The following MACROD2 variants were observed in gnomAD, a reference collection of about 807,000 sequenced individuals.
The protein encoded by MACROD2 is mono-ADP ribosylhydrolase 2.
A neutral mutation model predicts 70.4 loss-of-function variants in MACROD2; 36 were observed. The observed-to-expected ratio is 0.51, with a 90% confidence interval of 0.39 to 0.68. MACROD2 has a LOEUF of 0.68. MACROD2 is among the 30% of genes least tolerant of loss of function. The pLI, the probability that MACROD2 is intolerant of heterozygous loss-of-function variation, is 0.00. For synonymous variants in MACROD2, 172 were observed against 178.8 expected, an observed-to-expected ratio of 0.96 and a Z score of 0.30; for missense variants, 496 against 538.4, an observed-to-expected ratio of 0.92 and a Z score of 0.78.
At chr20:14,622,390 A>G (rs1358300610) in intron 4 of MACROD2, among the ~76,000 whole-genome samples, 4 of 152,158 alleles carry the variant, frequency 2.6e-5, no homozygotes, top group African/African-American at 7.2e-5. Flanking sequence ...GCAGTCATAT[A>G]TGTGTACAGC....
At chr20:14,832,186 G>A (rs1165006351) in intron 5 of MACROD2, among the ~76,000 whole-genome samples, 1 of 151,440 alleles carries the variant, frequency 6.6e-6, no homozygotes, top group Non-Finnish European at 1.5e-5. Flanking sequence ...GGGACTGCAG[G>A]TGCCCGCCAC....
chr20:15,757,770 G>A (rs1453306114), intron 8 of MACROD2, among the ~76,000 whole-genome samples: 1 of 152,108 alleles, frequency 6.6e-6, no homozygotes, highest in Non-Finnish European at 1.5e-5. Flanking sequence ...GAGAGAGAAA[G>A]AACTCTTACC....
intron 5 of MACROD2, among the ~76,000 whole-genome samples, chr20:14,876,134 T>A (rs1430048712): frequency 6.6e-6 from 1 of 152,198 alleles, no homozygotes; most frequent in Non-Finnish European, 1.5e-5. Flanking sequence ...CACCAACTTC[T>A]GTTCTGTTTT....
At chr20:15,802,997 TA>T in intron 8 of MACROD2, among the ~76,000 whole-genome samples, 1 of 151,970 alleles carries the variant, frequency 6.6e-6, no homozygotes, top group South Asian at 2.1e-4. Flanking sequence ...CAATAATGAG[TA>T]ATGAGATTAA....
chr20:14,608,494 C>T (rs1703762129), intron 4 of MACROD2, among the ~76,000 whole-genome samples: 1 of 152,142 alleles, frequency 6.6e-6, no homozygotes, highest in African/African-American at 2.4e-5. Flanking sequence ...AGTTTGAGGT[C>T]AGGATAAGCC....
chr20:15,872,958 T>C (rs2064607272), intron 9 of MACROD2, among the ~76,000 whole-genome samples: 2 of 152,160 alleles, frequency 1.3e-5, no homozygotes, highest in Non-Finnish European at 2.9e-5. Flanking sequence ...CATAACTTAA[T>C]TTTAATAGAC....
At chr20:14,249,704 C>T (rs1254883132) in intron 3 of MACROD2, among the ~76,000 whole-genome samples, 1 of 152,008 alleles carries the variant, frequency 6.6e-6, no homozygotes, top group Non-Finnish European at 1.5e-5. Context: ...CAAGTTCTAT[C>T]GTACCTTGTA....
chr20:14,058,436 AAATAC>A (rs1180041367), intron 2 of MACROD2, among the ~76,000 whole-genome samples: 3 of 64,824 alleles, frequency 4.6e-5, no homozygotes, highest in Non-Finnish European at 9.3e-5. Flanking sequence ...ACATTTAGAA[AAATAC>A]AAAAAAAAAA....
At chr20:14,663,132 C>T (rs921475260) in intron 4 of MACROD2, among the ~76,000 whole-genome samples, 3 of 152,144 alleles carry the variant, frequency 2.0e-5, no homozygotes, top group Admixed American at 6.6e-5. Context: ...TATATATATA[C>T]CATGGAATAC....
chr20:15,607,651 G>A (rs973526058), intron 8 of MACROD2, among the ~76,000 whole-genome samples: 2 of 151,972 alleles, frequency 1.3e-5, no homozygotes, highest in East Asian at 1.9e-4. Flanking sequence ...CTCCCACCTC[G>A]GCCTCCTGAA....
chr20:14,953,297 T>C (rs1407602059), intron 5 of MACROD2, among the ~76,000 whole-genome samples: 1 of 152,100 alleles, frequency 6.6e-6, no homozygotes, highest in African/African-American at 2.4e-5. Context: ...ATTGTGTTTT[T>C]AATTTTTTAT....
chr20:15,679,828 C>A (rs1398649427), intron 8 of MACROD2, among the ~76,000 whole-genome samples: 1 of 152,166 alleles, frequency 6.6e-6, no homozygotes, highest in African/African-American at 2.4e-5. Context: ...AAGAGCCCAC[C>A]TTGAGGATTC....
chr20:15,793,124 T>TGTGTGTGTGCATGCGC (rs1555780003), intron 8 of MACROD2, among the ~76,000 whole-genome samples: 34 of 151,948 alleles, frequency 2.2e-4, no homozygotes, highest in Non-Finnish European at 4.4e-4. Context: ...AAAAAGACTG[T>TGTGTGTGTGCATGCGC]GTGTGTGTGT....
At chr20:14,563,324 G>A (rs749515456) in intron 4 of MACROD2, among the ~76,000 whole-genome samples, 6 of 151,888 alleles carry the variant, frequency 4.0e-5, no homozygotes, top group African/African-American at 9.7e-5. Flanking sequence ...GAGAAAGAAC[G>A]TCTCCAAAAG....
chr20:15,250,987 G>A (rs1488976216), intron 6 of MACROD2, among the ~76,000 whole-genome samples: 1 of 152,174 alleles, frequency 6.6e-6, no homozygotes, highest in Non-Finnish European at 1.5e-5. Context: ...AAGACCTGAT[G>A]ACTATTCTGA....
At chr20:14,556,771 T>C (rs534611611) in intron 4 of MACROD2, among the ~76,000 whole-genome samples, 11 of 152,012 alleles carry the variant, frequency 7.2e-5, no homozygotes, top group Non-Finnish European at 1.5e-4. Flanking sequence ...TATGATCAAG[T>C]CACCCAAAGG....
At chr20:15,782,907 C>A (rs917616875) in intron 8 of MACROD2, among the ~76,000 whole-genome samples, 1 of 151,968 alleles carries the variant, frequency 6.6e-6, no homozygotes, top group African/African-American at 2.4e-5. Flanking sequence ...TGTACTAAAT[C>A]TATGTTTTAG....
intron 8 of MACROD2, among the ~76,000 whole-genome samples, chr20:15,604,694 A>C (rs1420984675): frequency 1.3e-5 from 2 of 152,208 alleles, no homozygotes; most frequent in East Asian, 3.9e-4. Flanking sequence ...ACATATGAGA[A>C]CATTCTTGGT....
intron 4 of MACROD2, among the ~76,000 whole-genome samples, chr20:14,648,819 T>C (rs918701553): frequency 6.6e-6 from 1 of 152,222 alleles, no homozygotes; most frequent in African/African-American, 2.4e-5. Flanking sequence ...TATACCATTA[T>C]GTATTTAACC....
Sources: gnomAD v4.1 joint callset for allele counts (sites outside exome capture counted in the v4.1 genomes callset) on GRCh38, gnomAD v4.1.1 for gene constraint, MANE v1.5 for transcripts, NCBI Gene and HGNC (gene_info 2026-07-23, HGNC 2026-07-21) for gene names.